Variants in MSH6 observed in about 807,000 individuals in gnomAD.
MSH6 encodes the protein mutS homolog 6.
MSH6 carries 85 observed loss-of-function variants against 119.1 expected under a neutral mutation model. That is an observed-to-expected ratio of 0.71 (90% CI 0.60 to 0.85). The LOEUF is 0.85. Among genes scored for constraint, MSH6 ranks in the 40% least tolerant of loss-of-function variants. The probability of loss-of-function intolerance (pLI) is 0.00; values close to 1 mark genes in which losing one functional copy is unlikely to be tolerated. For synonymous variants in MSH6, 830 were observed against 586.9 expected (o/e 1.41, Z -5.99); for missense variants, 2,163 against 1,655.3 (o/e 1.31, Z -5.32).
Position 47,793,037 on chromosome 2 carries a change from G to A in MSH6, c.457+1914G>A, listed in dbSNP as rs555898040. ...GAATGAATCTCATTGGGGTTGCACT[G>A]GGGCCGGGCATGGTGGCTCACACCT... On this transcript the variant is annotated intron_variant, in intron 2 of 9. Coordinates refer to ENST00000234420, the MANE Select transcript of MSH6 (RefSeq NM_000179.3). Among the ~76,000 whole-genome samples, 5 of 151,504 alleles carry A rather than the reference G, an allele frequency of 3.3e-5. No individual in the cohort carries two copies. In the South Asian group the frequency reaches 1.0e-3, roughly 32 times the overall value.
chr2:47,783,683 A>C, intron 1 of MSH6, 190 bp downstream of exon 1: 1 of 573,044 alleles, frequency 1.7e-6, no homozygotes, highest in Non-Finnish European at 2.8e-6. Context: ...TGTAGCTTGT[A>C]AACAGGGTCG....
rs2104287733 is a variant in MSH6 at position 47,798,621 on chromosome 2, C to G, written c.638C>G (p.Thr213Ser). The G allele has an allele frequency of 6.2e-7, 1 of 1,610,484 alleles. No individual in the cohort carries two copies. Among genetic ancestry groups the G allele is most frequent in the Non-Finnish European group, 8.5e-7 (1 of 1,179,928 alleles). ...TTCCTTGCCTGGCAGGTAGGCACAA[C>G]TTACGTAACAGATAAGAGTGAAGAA... Reference protein sequence around the residue: ...EEEEEMEVGTTYVTDKSEEDN... With the variant: ...EEEEEMEVGTSYVTDKSEEDN... The change falls in exon 4 of 10, where the codon ACT (threonine) becomes AGT (serine). Residue 213 changes from threonine (T) to serine (S), a missense_variant. Thr to Ser is a moderately conservative substitution (Grantham distance 58, BLOSUM62 1). Coordinates refer to ENST00000234420, the MANE Select transcript of MSH6 (RefSeq NM_000179.3).
At chr2:47,787,399 T>C (rs1668411422) in intron 1 of MSH6, among the ~76,000 whole-genome samples, 1 of 152,240 alleles carries the variant, frequency 6.6e-6, no homozygotes, top group Non-Finnish European at 1.5e-5. Context: ...AATGTGATTT[T>C]AAACCAGAAT....
Position 47,803,408 on chromosome 2 carries a change from C to G in MSH6, c.3173-12C>G, listed in dbSNP as rs1057517629. On this transcript the variant is annotated splice_polypyrimidine_tract_variant and intron_variant, in intron 4 of 9. Transcript: ENST00000234420. ...AACGATGAAGCCTCACTTTTACCCT[C>G]TCTTTTAACAGATGTTTTACTGTGC... 14 of 1,614,044 alleles carry G rather than the reference C, an allele frequency of 8.7e-6. No homozygotes were observed. Among genetic ancestry groups the G allele is most frequent in the Non-Finnish European group, 1.2e-5 (14 of 1,180,028 alleles).
downstream of MSH6, chr2:47,809,505 G>A (rs1657412691): frequency 3.3e-6 from 3 of 901,750 alleles, no homozygotes; most frequent in South Asian, 3.2e-5. Context: ...TTGCTAACTT[G>A]GAGAGTGACA....
chr2:47,805,754 T>C, intron 7 of MSH6, 47 bp downstream of exon 7: 1 of 1,322,462 alleles, frequency 7.6e-7, no homozygotes, highest in South Asian at 1.2e-5. Flanking sequence ...CTTAAAAACA[T>C]TTGTACAAAT....
At chr2:47,784,016 G>C in intron 1 of MSH6, 5 of 1,023,960 alleles carry the variant, frequency 4.9e-6, no homozygotes, top group Non-Finnish European at 5.9e-6. Context: ...AGTGAGTTGG[G>C]GCTCCAGTAG....
At position 47,783,177 on chromosome 2, in the gene MSH6, T is replaced by TG. The variant is rs1160022717; in HGVS notation, c.-56dup. On this transcript the variant is annotated 5_prime_UTR_variant, in exon 1 of 10. An upstream open reading frame in the 5' UTR loses its in-frame stop. Transcript: ENST00000234420. ...CCGCCAGCAGGAGCCGCGCGGTAGA[T>TG]GCGGTGCTTTTAGGAGCTCCGTCCG... is the stretch of plus-strand genomic sequence containing the variant. 10 of 1,602,740 alleles carry TG rather than the reference T, an allele frequency of 6.2e-6. No homozygotes were observed. In the Admixed American group the frequency reaches 8.5e-5, roughly 14 times the overall value.
chr2:47,783,500 G>T lies in MSH6; in HGVS notation c.260+7G>T, dbSNP rs774479750. The stretch of plus-strand genomic sequence containing the variant: ...CGCCTGCTGCCCCCACCAGGTAGCG[G>T]GGTGGGGGTGGGGTCGAAGGCGGGG... On this transcript the variant is annotated splice_region_variant and intron_variant, in intron 1 of 9. Coordinates refer to ENST00000234420, the MANE Select transcript of MSH6 (RefSeq NM_000179.3). 1 of 1,426,006 alleles carries T rather than the reference G, an allele frequency of 7.0e-7. No individual in the cohort carries two copies. The highest frequency in any genetic ancestry group is 2.8e-5 in the East Asian group (1 of 35,870). The allele number at this position is 1,426,006 out of a possible 1,614,324, so 88.3% of individuals were successfully genotyped here.
intron 2 of MSH6, 68 bp downstream of exon 2, chr2:47,791,191 ACAGG>A: frequency 6.9e-7 from 1 of 1,438,986 alleles, no homozygotes; most frequent in Non-Finnish European, 9.8e-7. Context: ...AAACAGACAG[ACAGG>A]CAGACTTTTT....
downstream of MSH6, chr2:47,807,095 C>T (rs1670263305): frequency 1.9e-6 from 1 of 516,032 alleles, no homozygotes. Context: ...TTTATACCCA[C>T]TGTCACCAAT....
intron 1 of MSH6, 57 bp from the exon 2 acceptor site, chr2:47,790,870 C>G: frequency 6.7e-7 from 1 of 1,502,812 alleles, no homozygotes; most frequent in Non-Finnish European, 9.3e-7. Context: ...TAGGTAACTG[C>G]CTTTAAGGAA....
rs2104474208 is a variant in MSH6 at position 47,803,472 on chromosome 2, T to A, written c.3225T>A (p.Cys1075Ter). 6.2e-7 allele frequency: 1 copy of A among 1,614,176 alleles called. No individual in the cohort carries two copies. The highest frequency in any genetic ancestry group is 8.5e-7 in the Non-Finnish European group (1 of 1,180,044). The change falls in exon 5 of 10, where the codon TGT becomes TGA. Residue 1075 changes from cysteine (C) to a stop codon, truncating the protein, a stop_gained. Transcript: ENST00000234420. LOFTEE classifies it high-confidence loss of function. The stretch of plus-strand genomic sequence containing the variant: ...GTCGAGGGGGTGATGGTCCTATGTG[T>A]CGCCCAGTAATTCTGTTGCCGGAAG... ...NYSRGGDGPM[C>*]RPVILLPEDT...
At chr2:47,802,706 T>G (rs1279248866) in intron 4 of MSH6, among the ~76,000 whole-genome samples, 1 of 151,816 alleles carries the variant, frequency 6.6e-6, no homozygotes, top group Non-Finnish European at 1.5e-5. Flanking sequence ...ACAAAACTAT[T>G]TTGATCTGAA....
intron 1 of MSH6, among the ~76,000 whole-genome samples, chr2:47,788,947 T>TTTTTTA (rs1668560941): frequency 8.6e-6 from 1 of 116,180 alleles, no homozygotes. Context: ...TTTTTTTTTT[T>TTTTTTA]GTGAGACGGA....
chr2:47,796,164 G>T (rs774098600), intron 3 of MSH6, 101 bp downstream of exon 3: 31 of 1,189,870 alleles, frequency 2.6e-5, no homozygotes, highest in Non-Finnish European at 3.8e-5. Context: ...ATATGTGTGT[G>T]TATATGTATT....
chr2:47,784,121 G>C (rs1404787497), intron 1 of MSH6: 79 of 1,005,878 alleles, frequency 7.9e-5, no homozygotes, highest in Non-Finnish European at 8.9e-5. Flanking sequence ...GGGCCGCCGA[G>C]GGGGTGGGCC....
chr2:47,806,918 C>CATTATGATCTAATAAACTTTATTT lies in MSH6; in HGVS notation c.*59_*82dup. 1 of 1,224,632 alleles carries CATTATGATCTAATAAACTTTATTT rather than the reference C, an allele frequency of 8.2e-7. No individual in the cohort carries two copies. The highest frequency in any genetic ancestry group is 1.2e-6 in the Non-Finnish European group (1 of 830,882). The allele number at this position is 1,224,632 out of a possible 1,614,324, so 75.9% of individuals were successfully genotyped here. A position where few individuals can be genotyped will look rare whatever the true frequency, so the allele number is the denominator to read the frequency against. On this transcript the variant is annotated 3_prime_UTR_variant, in exon 10 of 10. Coordinates refer to ENST00000234420, the MANE Select transcript of MSH6 (RefSeq NM_000179.3). ...TGACAAAGGTGGTAAATTCAGACAACATTATGATCTAATAAACTTTATTTT... is the reference window on the plus strand; with the variant it reads ...TGACAAAGGTGGTAAATTCAGACAACATTATGATCTAATAAACTTTATTTATTATGATCTAATAAACTTTATTTT...
downstream of MSH6, chr2:47,808,071 T>TA: frequency 6.6e-7 from 1 of 1,520,890 alleles, no homozygotes; most frequent in Non-Finnish European, 9.0e-7. Flanking sequence ...AAAAGTGTTT[T>TA]AAGTTATGAT....
Sources: allele counts gnomAD v4.1 joint callset (sites outside exome capture counted in the v4.1 genomes callset), GRCh38; gene constraint gnomAD v4.1.1; transcripts MANE v1.5; gene names NCBI Gene and HGNC (gene_info 2026-07-23, HGNC 2026-07-21).